The following WAPL variants were observed in gnomAD, a reference collection of about 807,000 sequenced individuals.
WAPL encodes wings apart-like protein homolog.
In WAPL, 5 loss-of-function variants were observed where a neutral mutation model predicts 121.0. The observed-to-expected ratio is 0.04, with a 90% CI of 0.02 to 0.09. The LOEUF (loss-of-function observed/expected upper bound fraction) is 0.09, where lower values mean the gene tolerates loss of function less well. WAPL is among the 10% of genes least tolerant of loss of function. The probability of loss-of-function intolerance (pLI) is 1.00; values close to 1 mark genes in which losing one functional copy is unlikely to be tolerated. For missense variants in WAPL, 999 were observed against 1,410.8 expected (o/e 0.71, Z 4.68); for synonymous variants, 480 against 481.5 (o/e 1.00, Z 0.04).
intron 1 of WAPL, among the ~76,000 whole-genome samples, chr10:86,520,822 A>G (rs998337571): frequency 7.9e-5 from 12 of 151,668 alleles, no homozygotes; most frequent in Admixed American, 2.6e-4. Context: ...CTCCCACCCT[A>G]ATCTAGCGTC....
At chr10:86,444,319 T>C (rs761895553) in intron 16 of WAPL, among the ~76,000 whole-genome samples, 1 of 152,184 alleles carries the variant, frequency 6.6e-6, no homozygotes, top group African/African-American at 2.4e-5. Flanking sequence ...CACAGTTACA[T>C]ACAATCCAAC....
intron 9 of WAPL, among the ~76,000 whole-genome samples, chr10:86,466,873 G>T (rs1448306965): frequency 6.6e-6 from 1 of 151,996 alleles, no homozygotes. Context: ...TGATTTTTTT[G>T]TATTTTCTGC....
chr10:86,497,597 C>A (rs1225422601), intron 3 of WAPL, among the ~76,000 whole-genome samples: 1 of 152,082 alleles, frequency 6.6e-6, no homozygotes, highest in African/African-American at 2.4e-5. Flanking sequence ...AAATCTTTTC[C>A]AAAATAATTT....
At position 86,435,598 on chromosome 10, in the gene WAPL, C is replaced by A. The variant is rs759147699; in HGVS notation, c.*1945G>T. 6.6e-6 allele frequency: 1 copy of A among 152,346 alleles called. No homozygotes were observed. 9.4% of individuals were successfully genotyped at this position (152,346 alleles called of 1,614,324 possible). On this transcript the variant is annotated 3_prime_UTR_variant, in exon 19 of 19. Transcript: ENST00000298767. ...GGTGAAGTGATTATCTCCCCCACCA[C>A]CTCCCCCCACCAAAATCTGCATCTC...
intron 1 of WAPL, among the ~76,000 whole-genome samples, chr10:86,519,898 C>T (rs990842230): frequency 2.0e-5 from 3 of 152,206 alleles, no homozygotes; most frequent in South Asian, 2.1e-4. Context: ...ATCAGAAAAA[C>T]TGTTAAAATG....
chr10:86,497,162 CAAAT>C, intron 4 of WAPL, 35 bp downstream of exon 4: 1 of 1,505,060 alleles, frequency 6.6e-7, no homozygotes, highest in East Asian at 2.3e-5. Flanking sequence ...CCTCCAATAA[CAAAT>C]AAATAATAAA....
chr10:86,514,848 T>G lies in WAPL; in HGVS notation c.499+2723A>C, dbSNP rs539723202. ...CTGCCTGCCAATGATGCCCCATTCC[T>G]CAAAAGACCATACACTTAAGGAAGA... On this transcript the variant is annotated intron_variant, in intron 2 of 18. Transcript: ENST00000298767. 1.2e-4 allele frequency among the ~76,000 whole-genome samples: 18 copies of G among 152,328 alleles called. No individual in the cohort carries two copies. In the South Asian group the frequency reaches 3.7e-3, roughly 32 times the overall value.
At chr10:86,437,899 G>T in intron 18 of WAPL, 21 bp downstream of exon 18, 1 of 1,521,800 alleles carries the variant, frequency 6.6e-7, no homozygotes, top group Non-Finnish European at 9.1e-7. Context: ...AATCATATAA[G>T]CTGTAATAAA....
At chr10:86,518,404 GAATT>G (rs983091661) in intron 1 of WAPL, among the ~76,000 whole-genome samples, 3 of 152,158 alleles carry the variant, frequency 2.0e-5, no homozygotes, top group African/African-American at 4.8e-5. Flanking sequence ...AGTTCCAAAT[GAATT>G]AATTTACTAT....
intron 4 of WAPL, among the ~76,000 whole-genome samples, chr10:86,490,439 T>C (rs1189145868): frequency 6.6e-6 from 1 of 152,194 alleles, no homozygotes; most frequent in Non-Finnish European, 1.5e-5. Flanking sequence ...GTCAAGTACA[T>C]GTACACTGCT....
At chr10:86,502,420 T>G (rs1375835494) in intron 2 of WAPL, among the ~76,000 whole-genome samples, 1 of 152,182 alleles carries the variant, frequency 6.6e-6, no homozygotes, top group East Asian at 1.9e-4. Flanking sequence ...AATGCCAAAA[T>G]TGTATATTTT....
At chr10:86,467,610 T>A in intron 8 of WAPL, 104 bp from the exon 9 acceptor site, 2 of 823,376 alleles carry the variant, frequency 2.4e-6, no homozygotes, top group East Asian at 5.4e-5. Context: ...AGTTAATGCT[T>A]AAAACTTATA....
At chr10:86,515,259 T>C (rs1043924412) in intron 2 of WAPL, among the ~76,000 whole-genome samples, 7 of 145,844 alleles carry the variant, frequency 4.8e-5, no homozygotes, top group Non-Finnish European at 9.0e-5. Flanking sequence ...CGAGACTTCA[T>C]CTCAAAAAAA....
intron 17 of WAPL, among the ~76,000 whole-genome samples, chr10:86,438,253 C>CA (rs1849374036): frequency 7.2e-6 from 1 of 138,548 alleles, no homozygotes; most frequent in African/African-American, 2.7e-5. Flanking sequence ...TACACATTTA[C>CA]TTTTTTTTTT....
At chr10:86,475,959 A>G (rs1841641450) in intron 4 of WAPL, among the ~76,000 whole-genome samples, 1 of 152,240 alleles carries the variant, frequency 6.6e-6, no homozygotes, top group Non-Finnish European at 1.5e-5. Flanking sequence ...GGCAGGAAGC[A>G]GATCACTTGA....
chr10:86,453,428 T>A, intron 13 of WAPL, 93 bp from the exon 14 acceptor site: 1 of 1,360,784 alleles, frequency 7.3e-7, no homozygotes. Flanking sequence ...TAACTTAGAA[T>A]TGTATAGTCA....
At chr10:86,504,885 C>T (rs959710158) in intron 2 of WAPL, among the ~76,000 whole-genome samples, 1 of 151,954 alleles carries the variant, frequency 6.6e-6, no homozygotes, top group Admixed American at 6.6e-5. Flanking sequence ...TGTCCAAAAC[C>T]TTTATATACT....
intron 15 of WAPL, among the ~76,000 whole-genome samples, chr10:86,446,699 T>G (rs1431457968): frequency 6.6e-6 from 1 of 152,208 alleles, no homozygotes; most frequent in Non-Finnish European, 1.5e-5. Context: ...ATAATTTCCC[T>G]TAATTTGCAT....
chr10:86,450,889 G>A (rs554988303), intron 15 of WAPL, among the ~76,000 whole-genome samples: 1 of 152,212 alleles, frequency 6.6e-6, no homozygotes, highest in African/African-American at 2.4e-5. Context: ...GAACAAAAGA[G>A]GATAATAAAA....
Sources: gnomAD v4.1 joint callset for allele counts (sites outside exome capture counted in the v4.1 genomes callset) on GRCh38, gnomAD v4.1.1 for gene constraint, MANE v1.5 for transcripts, NCBI Gene and HGNC (gene_info 2026-07-23, HGNC 2026-07-21) for gene names.